The following WDR59 variants were observed in gnomAD, a reference collection of about 807,000 sequenced individuals.
WDR59 encodes the protein GATOR2 complex protein WDR59.
Under a neutral mutation model 131.2 loss-of-function variants are expected in WDR59, and 100 were observed. That is an observed-to-expected ratio of 0.76 (90% CI 0.65 to 0.90). WDR59 has a LOEUF of 0.90. WDR59 is among the 40% of genes least tolerant of loss of function. The pLI is 0.00. For synonymous variants in WDR59, 601 were observed against 466.2 expected, an observed-to-expected ratio of 1.29 and a Z score of -3.72; for missense variants, 1,203 against 1,262.2, an observed-to-expected ratio of 0.95 and a Z score of 0.71.
At chr16:74,930,588 T>C (rs978309691) in intron 8 of WDR59, among the ~76,000 whole-genome samples, 1 of 151,820 alleles carries the variant, frequency 6.6e-6, no homozygotes, top group African/African-American at 2.4e-5. Context: ...TTTTAATTAA[T>C]ATATAAACAC....
At chr16:74,907,141 TG>T (rs78707090) in intron 17 of WDR59, among the ~76,000 whole-genome samples, 47,985 of 152,024 alleles carry the variant, frequency 0.32, 7,713 homozygotes, top group Middle Eastern at 0.38. Context: ...AGGTCACATC[TG>T]CCCAGGTTAC....
Position 74,887,690 on chromosome 16 carries a change from C to A in WDR59, c.2412G>T (p.Trp804Cys), listed in dbSNP as rs774109792. 6.2e-7 allele frequency: 1 copy of A among 1,614,090 alleles called. No individual in the cohort carries two copies. Among genetic ancestry groups the A allele is most frequent in the African/African-American group, 1.3e-5 (1 of 75,026 alleles). ...AGTCATTTCCATACAAACCTATGTT[C>A]CAGCCGCCAGTGTTGAGCCCTGGGT... ...MSDPGLNTGG[W>C]NIAGREAEHL... Residue 804 changes from tryptophan to cysteine, a missense_variant, in exon 23 of 26, where the codon TGG (tryptophan) becomes TGT (cysteine). Trp to Cys is a radical substitution (Grantham distance 215, BLOSUM62 -2). Coordinates refer to ENST00000262144, the MANE Select transcript of WDR59 (RefSeq NM_030581.4).
At chr16:74,920,888 C>T (rs1012946308) in intron 10 of WDR59, among the ~76,000 whole-genome samples, 1 of 152,048 alleles carries the variant, frequency 6.6e-6, no homozygotes, top group African/African-American at 2.4e-5. Context: ...CCAGCAATGG[C>T]TATCGTAAGC....
At chr16:74,885,509 A>G in intron 25 of WDR59, 144 bp downstream of exon 25, 1 of 732,048 alleles carries the variant, frequency 1.4e-6, no homozygotes, top group Non-Finnish European at 2.0e-6. Flanking sequence ...GGCTTTTCAG[A>G]TGCTTGGAAT....
chr16:74,963,725 A>G (rs191258385), intron 2 of WDR59, among the ~76,000 whole-genome samples: 10 of 152,296 alleles, frequency 6.6e-5, no homozygotes, highest in East Asian at 1.9e-4. Flanking sequence ...CATCCTGCAC[A>G]TGTATCCTGG....
intron 2 of WDR59, among the ~76,000 whole-genome samples, chr16:74,963,752 A>C (rs115170714): frequency 0.014 from 2,128 of 152,242 alleles, 63 homozygotes; most frequent in African/African-American, 0.048. Context: ...AAATTAAATT[A>C]AATTTTTTTT....
chr16:74,888,254 G>A lies in WDR59; in HGVS notation c.2261C>T (p.Ala754Val). 1 of 1,614,088 alleles carries A rather than the reference G, an allele frequency of 6.2e-7. No homozygotes were observed. Among genetic ancestry groups the A allele is most frequent in the Non-Finnish European group, 8.5e-7 (1 of 1,179,986 alleles). ...TGGTAGCCCCTGAGGCCGAGACTGG[G>A]CTTCAAACACGCTACAGAGCATCGC... ...TLAMLCSVFEAQSRPQGLPNP... is the reference protein window; with the variant it reads ...TLAMLCSVFEVQSRPQGLPNP... Residue 754 changes from alanine to valine, a missense_variant, in exon 22 of 26, where the codon GCC becomes GTC. Physicochemically the swap from Ala to Val is moderately conservative, Grantham distance 64. Coordinates refer to ENST00000262144, the MANE Select transcript of WDR59 (RefSeq NM_030581.4).
At chr16:74,926,117 T>C (rs4888315) in intron 8 of WDR59, among the ~76,000 whole-genome samples, 54,681 of 145,896 alleles carry the variant, frequency 0.37, 10,168 homozygotes, top group African/African-American at 0.43. Flanking sequence ...TGGAGAACAA[T>C]GGTGTGATCT....
At position 74,888,423 on chromosome 16, in the gene WDR59, A is replaced by G. The variant is rs1964880239; in HGVS notation, c.2196-104T>C. 5 of 1,241,112 alleles carry G rather than the reference A, an allele frequency of 4.0e-6. 1 individual carries two copies. The highest frequency in any genetic ancestry group is 3.1e-5 in the South Asian group (2 of 63,644). The allele number at this position is 1,241,112 out of a possible 1,614,324, so 76.9% of individuals were successfully genotyped here. ...ACTGCCACAGGGGTGGGAAGGGAGG[A>G]GTCTTGATTCTGCCTCAAAAACCCA... On this transcript the variant is annotated intron_variant, in intron 21 of 25. Transcript: ENST00000262144.
intron 25 of WDR59, among the ~76,000 whole-genome samples, chr16:74,879,672 T>C (rs1214524359): frequency 5.9e-5 from 9 of 152,066 alleles, no homozygotes; most frequent in Non-Finnish European, 1.3e-4. Context: ...TGAAACACTC[T>C]GGAAATAGTA....
intron 8 of WDR59, among the ~76,000 whole-genome samples, chr16:74,935,638 G>A (rs997370886): frequency 3.9e-5 from 6 of 151,916 alleles, no homozygotes; most frequent in African/African-American, 1.2e-4. Flanking sequence ...TACACATATT[G>A]GTCCTTATCT....
In WDR59 at chr16:74,889,804, C is replaced by G; in HGVS notation, c.2094G>C (p.Leu698=). The change falls in exon 21 of 26, where the codon CTG becomes CTC. Residue 698 remains leucine, a synonymous_variant. Coordinates refer to ENST00000262144, the MANE Select transcript of WDR59 (RefSeq NM_030581.4). ...GGCAAAGATCTGTAGCTACCGTAGC[C>G]AGCGACCAAACCTGGACAGATCAAA... ...GRKDLVQVWS[L]ATVATDLCLG... is the part of the protein sequence containing the mutation. 1 of 1,613,964 alleles carries G rather than the reference C, an allele frequency of 6.2e-7. No individual in the cohort carries two copies. The highest frequency in any genetic ancestry group is 8.5e-7 in the Non-Finnish European group (1 of 1,179,934).
At chr16:74,882,074 C>T (rs368011285) in intron 25 of WDR59, among the ~76,000 whole-genome samples, 1 of 152,074 alleles carries the variant, frequency 6.6e-6, no homozygotes, top group South Asian at 2.1e-4. Context: ...GACTGCACTA[C>T]AGACATCTTG....
intron 9 of WDR59, among the ~76,000 whole-genome samples, chr16:74,923,665 A>T (rs531938671): frequency 6.6e-6 from 1 of 152,022 alleles, no homozygotes; most frequent in East Asian, 1.9e-4. Flanking sequence ...TTTAGTAGAG[A>T]CGGGGTTTCA....
intron 3 of WDR59, among the ~76,000 whole-genome samples, chr16:74,955,418 G>T (rs975804483): frequency 6.6e-6 from 1 of 152,106 alleles, no homozygotes; most frequent in Admixed American, 6.6e-5. Context: ...TGGACTAGAC[G>T]ATCAGGGGCC....
chr16:74,884,502 G>C (rs28726213), intron 25 of WDR59, among the ~76,000 whole-genome samples: 2,291 of 152,272 alleles, frequency 0.015, 42 homozygotes, highest in African/African-American at 0.05. Flanking sequence ...GTGTGCACTA[G>C]CACGCCTGGC....
At chr16:74,945,437 A>G (rs1041046669) in intron 6 of WDR59, among the ~76,000 whole-genome samples, 2 of 152,014 alleles carry the variant, frequency 1.3e-5, no homozygotes, top group Non-Finnish European at 2.9e-5. Flanking sequence ...AGATCATGCC[A>G]CTGCACTCCA....
intron 8 of WDR59, among the ~76,000 whole-genome samples, chr16:74,930,250 A>G (rs186157343): frequency 4.2e-4 from 64 of 152,326 alleles, no homozygotes; most frequent in Admixed American, 3.7e-3. Context: ...ATGGACACCC[A>G]ATTTGCCCTA....
chr16:74,975,187 C>G (rs999635315), intron 1 of WDR59, among the ~76,000 whole-genome samples: 1 of 152,138 alleles, frequency 6.6e-6, no homozygotes, highest in African/African-American at 2.4e-5. Flanking sequence ...ATGGCGATAC[C>G]TCGTCTCTAC....
Sources: gnomAD v4.1 joint callset for allele counts (sites outside exome capture counted in the v4.1 genomes callset) on GRCh38, gnomAD v4.1.1 for gene constraint, MANE v1.5 for transcripts, NCBI Gene and HGNC (gene_info 2026-07-23, HGNC 2026-07-21) for gene names.